GPC6: variants seen among roughly 807,000 people sequenced by gnomAD.
GPC6 encodes the protein glypican-6.
In GPC6, 14 loss-of-function variants were observed where a neutral mutation model predicts 55.2. That is an observed-to-expected ratio of 0.25 (90% CI 0.17 to 0.40). The LOEUF (loss-of-function observed/expected upper bound fraction) is 0.40, where lower values mean the gene tolerates loss of function less well. Among genes scored for constraint, GPC6 ranks in the 10% least tolerant of loss-of-function variants. GPC6 has a pLI of 1.00. For missense variants in GPC6, 641 were observed against 708.5 expected (o/e 0.90, Z 1.08); for synonymous variants, 278 against 259.6 (o/e 1.07, Z -0.68).
chr13:94,110,090 A>G (rs1008066449), intron 4 of GPC6, among the ~76,000 whole-genome samples: 2 of 151,760 alleles, frequency 1.3e-5, no homozygotes, highest in Admixed American at 6.6e-5. Flanking sequence ...AAGAAAAGAA[A>G]AAAAGCTGTA....
chr13:93,732,249 G>T (rs965457554), intron 2 of GPC6, among the ~76,000 whole-genome samples: 1 of 152,086 alleles, frequency 6.6e-6, no homozygotes, highest in African/African-American at 2.4e-5. Flanking sequence ...AGTAATTTCA[G>T]TTGTTCTCTG....
intron 3 of GPC6, among the ~76,000 whole-genome samples, chr13:93,880,851 T>TAAATAA (rs894605495): frequency 1.4e-5 from 2 of 139,918 alleles, no homozygotes; most frequent in South Asian, 2.3e-4. Flanking sequence ...AAAAAATAAA[T>TAAATAA]AAATAAAAAT....
At chr13:93,397,773 T>C (rs1875915866) in intron 1 of GPC6, among the ~76,000 whole-genome samples, 1 of 151,704 alleles carries the variant, frequency 6.6e-6, no homozygotes. Flanking sequence ...TTTTTTTTTT[T>C]CTCTGCTCAA....
At chr13:93,958,663 G>A (rs1182186216) in intron 3 of GPC6, among the ~76,000 whole-genome samples, 1 of 152,050 alleles carries the variant, frequency 6.6e-6, no homozygotes, top group Non-Finnish European at 1.5e-5. Context: ...GCTTGGGGTT[G>A]CTTTGGCTAT....
chr13:93,667,960 T>G (rs1881212753), intron 2 of GPC6, among the ~76,000 whole-genome samples: 1 of 152,174 alleles, frequency 6.6e-6, no homozygotes, highest in Non-Finnish European at 1.5e-5. Flanking sequence ...ATCTTGTCAT[T>G]TGACTTGCAT....
At chr13:93,539,616 A>G (rs193065757) in intron 1 of GPC6, among the ~76,000 whole-genome samples, 1 of 152,144 alleles carries the variant, frequency 6.6e-6, no homozygotes, top group African/African-American at 2.4e-5. Flanking sequence ...TGCTGACAAA[A>G]TGGAAGACTA....
At chr13:93,647,169 C>G (rs1880210462) in intron 2 of GPC6, among the ~76,000 whole-genome samples, 1 of 151,982 alleles carries the variant, frequency 6.6e-6, no homozygotes, top group East Asian at 1.9e-4. Context: ...CAAATATATG[C>G]AAATTTAAAT....
At chr13:93,403,219 A>G (rs567130376) in intron 1 of GPC6, among the ~76,000 whole-genome samples, 1 of 152,326 alleles carries the variant, frequency 6.6e-6, no homozygotes, top group Admixed American at 6.5e-5. Context: ...CTTCAAAACA[A>G]TAATATTCTC....
intron 3 of GPC6, among the ~76,000 whole-genome samples, chr13:93,874,634 T>G (rs981237229): frequency 5.3e-5 from 8 of 150,444 alleles, no homozygotes; most frequent in Non-Finnish European, 1.2e-4. Flanking sequence ...AACTCTATAT[T>G]CTTACCAGTC....
At chr13:93,677,771 A>T (rs1411275015) in intron 2 of GPC6, among the ~76,000 whole-genome samples, 2 of 152,176 alleles carry the variant, frequency 1.3e-5, no homozygotes, top group Admixed American at 1.3e-4. Context: ...TAAAACTTTG[A>T]TGCCTAGAAT....
intron 3 of GPC6, among the ~76,000 whole-genome samples, chr13:93,845,024 A>G (rs1007901569): frequency 3.3e-5 from 5 of 152,080 alleles, no homozygotes; most frequent in African/African-American, 9.6e-5. Flanking sequence ...TGGTACCAGT[A>G]CCATGCTGTT....
intron 3 of GPC6, among the ~76,000 whole-genome samples, chr13:93,885,238 C>T (rs1328376821): frequency 1.3e-5 from 2 of 151,100 alleles, no homozygotes; most frequent in African/African-American, 4.9e-5. Flanking sequence ...TTTGATCCAG[C>T]AAGCTTCCTT....
chr13:93,630,694 G>A lies in GPC6; in HGVS notation c.319+85273G>A, dbSNP rs539185336. Among the ~76,000 whole-genome samples the A allele has an allele frequency of 9.2e-5, 14 of 152,092 alleles. No individual in the cohort carries two copies. In the East Asian group the frequency reaches 2.7e-3, roughly 29 times the overall value. ...TATAACTAGTCATGGATAATCTATA[G>A]CAGCAACTAAAATAAATGTATTATA... On this transcript the variant is annotated intron_variant, in intron 2 of 8. Transcript: ENST00000377047.
intron 2 of GPC6, among the ~76,000 whole-genome samples, chr13:93,547,398 C>T (rs1324956295): frequency 6.6e-6 from 1 of 152,024 alleles, no homozygotes; most frequent in Non-Finnish European, 1.5e-5. Flanking sequence ...GAGCCTTATA[C>T]TTACTTCTTG....
At chr13:93,971,736 G>T (rs189314023) in intron 3 of GPC6, among the ~76,000 whole-genome samples, 9 of 152,302 alleles carry the variant, frequency 5.9e-5, no homozygotes, top group Admixed American at 2.6e-4. Context: ...TCCTCAGCAA[G>T]CTTGCCCTTA....
At chr13:93,355,709 T>C (rs1880822495) in intron 1 of GPC6, among the ~76,000 whole-genome samples, 1 of 152,072 alleles carries the variant, frequency 6.6e-6, no homozygotes, top group Non-Finnish European at 1.5e-5. Flanking sequence ...TGTGCAGCAG[T>C]GTATTGACTG....
At chr13:93,586,389 C>A (rs1394155080) in intron 2 of GPC6, among the ~76,000 whole-genome samples, 3 of 152,120 alleles carry the variant, frequency 2.0e-5, no homozygotes, top group African/African-American at 7.2e-5. Context: ...GATTCCATAT[C>A]TTTGCTATTG....
At chr13:93,693,434 G>GTT (rs1333907914) in intron 2 of GPC6, among the ~76,000 whole-genome samples, 8 of 70,908 alleles carry the variant, frequency 1.1e-4, no homozygotes, top group African/African-American at 7.5e-4. Context: ...TATATATGGA[G>GTT]ATATATGTGT....
chr13:93,932,858 A>G (rs561886323), intron 3 of GPC6, among the ~76,000 whole-genome samples: 65 of 152,200 alleles, frequency 4.3e-4, no homozygotes, highest in Non-Finnish European at 8.7e-4. Context: ...ACTTAAACTA[A>G]TGGCTTAAAA....
Sources: gnomAD v4.1 joint callset for allele counts (sites outside exome capture counted in the v4.1 genomes callset) on GRCh38, gnomAD v4.1.1 for gene constraint, MANE v1.5 for transcripts, NCBI Gene and HGNC (gene_info 2026-07-23, HGNC 2026-07-21) for gene names.